The following PCDHA10 variants were observed in gnomAD, a reference collection of about 807,000 sequenced individuals.
PCDHA10 encodes the protein protocadherin alpha-10.
A neutral mutation model predicts 61.2 loss-of-function variants in PCDHA10; 45 were observed. That is an observed-to-expected ratio of 0.74 (90% CI 0.58 to 0.94). PCDHA10 has a LOEUF of 0.94. Among genes scored for constraint, PCDHA10 ranks in the 40% least tolerant of loss-of-function variants. PCDHA10 has a pLI of 0.00. For synonymous variants in PCDHA10, 602 were observed against 548.8 expected (o/e 1.10, Z -1.35); for missense variants, 1,278 against 1,236.2 (o/e 1.03, Z -0.51).
intron 1 of PCDHA10, among the ~76,000 whole-genome samples, chr5:140,891,369 A>G (rs13168533): frequency 0.051 from 7,710 of 152,068 alleles, 281 homozygotes; most frequent in Non-Finnish European, 0.073. Context: ...AGCAGTATAC[A>G]TTGCACCATA....
At chr5:140,871,192 G>GTGTACC (rs1171954428) in intron 1 of PCDHA10, 40 of 1,613,550 alleles carry the variant, frequency 2.5e-5, no homozygotes, top group Non-Finnish European at 3.1e-5. Context: ...GGATGTCAAC[G>GTGTACC]TGTACCTGAT....
At chr5:140,964,866 C>A (rs2095858965) in intron 1 of PCDHA10, among the ~76,000 whole-genome samples, 1 of 152,132 alleles carries the variant, frequency 6.6e-6, no homozygotes, top group Non-Finnish European at 1.5e-5. Flanking sequence ...ACAAAGAGGA[C>A]AAATAAGAAG....
intron 1 of PCDHA10, among the ~76,000 whole-genome samples, chr5:140,910,650 C>T (rs565503828): frequency 6.6e-6 from 1 of 152,312 alleles, no homozygotes; most frequent in East Asian, 1.9e-4. Flanking sequence ...CCTTTTGATC[C>T]CTTCCTCTAC....
chr5:140,950,022 A>G (rs1355491628), intron 1 of PCDHA10, among the ~76,000 whole-genome samples: 1 of 151,918 alleles, frequency 6.6e-6, no homozygotes, highest in Non-Finnish European at 1.5e-5. Flanking sequence ...CCTTCATAAA[A>G]TATAGAAAAG....
intron 1 of PCDHA10, among the ~76,000 whole-genome samples, chr5:140,920,853 A>C (rs375783359): frequency 1.3e-5 from 2 of 152,062 alleles, no homozygotes; most frequent in African/African-American, 4.8e-5. Flanking sequence ...AAAAAAAAAA[A>C]AAAAACAAAC....
intron 1 of PCDHA10, chr5:140,869,704 G>C: frequency 6.2e-7 from 1 of 1,613,400 alleles, no homozygotes; most frequent in Non-Finnish European, 8.5e-7. Flanking sequence ...GAAGTCTCTG[G>C]ATAGAGAGAA....
chr5:140,886,463 GT>G (rs1387154249), intron 1 of PCDHA10, among the ~76,000 whole-genome samples: 5 of 152,042 alleles, frequency 3.3e-5, no homozygotes, highest in East Asian at 1.9e-4. Flanking sequence ...ATATATAAAT[GT>G]TTTTAAAATG....
chr5:140,875,987 T>C, intron 1 of PCDHA10: 1 of 1,614,032 alleles, frequency 6.2e-7, no homozygotes, highest in Non-Finnish European at 8.5e-7. Flanking sequence ...ACCTATGCGT[T>C]AAGTCTAAAT....
At chr5:140,917,495 AATG>A (rs1391932074) in intron 1 of PCDHA10, among the ~76,000 whole-genome samples, 1 of 152,174 alleles carries the variant, frequency 6.6e-6, no homozygotes, top group Non-Finnish European at 1.5e-5. Flanking sequence ...CTATGCCCAG[AATG>A]ATATTTTCTA....
At chr5:140,928,434 CTT>C (rs1554205890) in intron 1 of PCDHA10, 1 of 1,614,172 alleles carries the variant, frequency 6.2e-7, no homozygotes, top group South Asian at 1.1e-5. Flanking sequence ...CTTCCTTTGA[CTT>C]TGAGCAGCTC....
At chr5:140,934,738 C>T (rs1342430086) in intron 1 of PCDHA10, among the ~76,000 whole-genome samples, 1 of 152,078 alleles carries the variant, frequency 6.6e-6, no homozygotes, top group Admixed American at 6.5e-5. Flanking sequence ...TTTTAGGTGT[C>T]ATTATGAACT....
Position 140,856,028 on chromosome 5 carries a change from G to T in PCDHA10, c.-21G>T. ...TTCTAGACCGCTGATTCGTCGATTT[G>T]TAAAACAAGAGAAGGATAAGATGGT... On this transcript the variant is annotated 5_prime_UTR_variant, in exon 1 of 4. Transcript: ENST00000307360. 1 of 1,560,948 alleles carries T rather than the reference G, an allele frequency of 6.4e-7. No individual in the cohort carries two copies. Among genetic ancestry groups the T allele is most frequent in the East Asian group, 2.3e-5 (1 of 44,428 alleles).
At position 140,994,426 on chromosome 5, in the gene PCDHA10, G is replaced by A. The variant is rs994056098; in HGVS notation, c.2536+11863G>A. Among the ~76,000 whole-genome samples the A allele has an allele frequency of 3.9e-5, 6 of 152,110 alleles. No homozygotes were observed. In the East Asian group the frequency reaches 1.2e-3, roughly 29 times the overall value. ...CATTTAATACTGGATATTGAGGCCG[G>A]GCGCAGTGGCTCACACCTGTGATCC... On this transcript the variant is annotated intron_variant, in intron 3 of 3. Coordinates refer to ENST00000307360, the MANE Select transcript of PCDHA10 (RefSeq NM_018901.4).
chr5:140,860,841 T>C (rs251367), intron 1 of PCDHA10: 102,021 of 152,038 alleles, frequency 0.67, 34,407 homozygotes, highest in Middle Eastern at 0.71. Context: ...AGGTTCACGC[T>C]ATTCTCCTGC....
At chr5:140,928,381 T>C (rs1554205835) in intron 1 of PCDHA10, 2 of 1,614,054 alleles carry the variant, frequency 1.2e-6, no homozygotes, top group African/African-American at 2.7e-5. Flanking sequence ...AGCCTCTAGC[T>C]TGCTGGCAGT....
intron 1 of PCDHA10, chr5:140,927,826 G>T (rs782694866): frequency 2.5e-6 from 4 of 1,614,076 alleles, no homozygotes; most frequent in Middle Eastern, 3.3e-4. Flanking sequence ...ATACATTGAG[G>T]CGAGGGACGA....
chr5:140,867,971 C>T (rs1230179778), intron 1 of PCDHA10: 1 of 152,032 alleles, frequency 6.6e-6, no homozygotes, highest in African/African-American at 2.4e-5. Flanking sequence ...ATTCTTTCAA[C>T]AAGAAACAAA....
intron 3 of PCDHA10, among the ~76,000 whole-genome samples, chr5:141,007,904 T>C (rs1397513381): frequency 6.6e-6 from 1 of 152,278 alleles, no homozygotes; most frequent in African/African-American, 2.4e-5. Flanking sequence ...TTGTTCTTTG[T>C]TGAAGATGCT....
At chr5:141,005,956 A>G (rs1272905916) in intron 3 of PCDHA10, among the ~76,000 whole-genome samples, 2 of 152,020 alleles carry the variant, frequency 1.3e-5, no homozygotes, top group Admixed American at 1.3e-4. Flanking sequence ...CTAACAAACA[A>G]CAATAAAAAA....
Sources: gnomAD v4.1 joint callset for allele counts (sites outside exome capture counted in the v4.1 genomes callset) on GRCh38, gnomAD v4.1.1 for gene constraint, MANE v1.5 for transcripts, NCBI Gene and HGNC (gene_info 2026-07-23, HGNC 2026-07-21) for gene names.